DLGAP1: variants seen among roughly 807,000 people sequenced by gnomAD.
DLGAP1 encodes DLG associated protein 1.
DLGAP1 carries 11 observed loss-of-function variants against 90.8 expected under a neutral mutation model. The observed-to-expected ratio is 0.12, with a 90% confidence interval of 0.08 to 0.20. The LOEUF (loss-of-function observed/expected upper bound fraction) is 0.20, where lower values mean the gene tolerates loss of function less well. Ranked by LOEUF, DLGAP1 falls within the 10% of genes least tolerant of loss-of-function variation. The pLI is 1.00. For synonymous variants in DLGAP1, 558 were observed against 540.7 expected, an observed-to-expected ratio of 1.03 and a Z score of -0.44; for missense variants, 1,050 against 1,333.8, an observed-to-expected ratio of 0.79 and a Z score of 3.31.
chr18:4,035,419 G>T (rs997062503), intron 2 of DLGAP1, among the ~76,000 whole-genome samples: 8 of 152,244 alleles, frequency 5.3e-5, no homozygotes, highest in African/African-American at 1.9e-4. Flanking sequence ...TAGGATTAAA[G>T]ATACTGAAAT....
chr18:3,976,359 A>AT (rs1172104243), intron 3 of DLGAP1, among the ~76,000 whole-genome samples: 1 of 150,886 alleles, frequency 6.6e-6, no homozygotes, highest in Non-Finnish European at 1.5e-5. Flanking sequence ...CTCTGTCTCA[A>AT]AAAAAAGTGG....
intron 1 of DLGAP1, among the ~76,000 whole-genome samples, chr18:4,450,144 GTC>G: frequency 6.6e-6 from 1 of 152,302 alleles, no homozygotes; most frequent in Admixed American, 6.5e-5. Flanking sequence ...TGTTTGCAAA[GTC>G]TGAGACAAGA....
intron 2 of DLGAP1, among the ~76,000 whole-genome samples, chr18:4,120,177 T>C (rs2076129620): frequency 6.6e-6 from 1 of 152,214 alleles, no homozygotes; most frequent in South Asian, 2.1e-4. Context: ...CCATCCCTTG[T>C]TTGAAAAACA....
intron 1 of DLGAP1, among the ~76,000 whole-genome samples, chr18:4,453,418 T>C (rs890180212): frequency 1.3e-5 from 2 of 152,222 alleles, no homozygotes; most frequent in African/African-American, 4.8e-5. Context: ...CTTGCCTCCA[T>C]GTCATTTCCG....
chr18:3,873,459 G>C (rs1568268615), intron 4 of DLGAP1, among the ~76,000 whole-genome samples: 1 of 152,106 alleles, frequency 6.6e-6, no homozygotes, highest in Non-Finnish European at 1.5e-5. Context: ...GTGGTGGATG[G>C]GATTTCAGAA....
intron 1 of DLGAP1, among the ~76,000 whole-genome samples, chr18:4,423,204 T>C (rs1220611458): frequency 2.0e-5 from 3 of 152,176 alleles, no homozygotes; most frequent in African/African-American, 7.2e-5. Flanking sequence ...GGTATTTGCT[T>C]CTTCACCTGG....
intron 9 of DLGAP1, among the ~76,000 whole-genome samples, chr18:3,538,937 A>C (rs1568156913): frequency 6.6e-6 from 1 of 152,254 alleles, no homozygotes; most frequent in Non-Finnish European, 1.5e-5. Flanking sequence ...ATTACTTGGC[A>C]GTAGATTAAT....
chr18:3,710,101 G>A (rs2061554474), intron 7 of DLGAP1, among the ~76,000 whole-genome samples: 1 of 152,222 alleles, frequency 6.6e-6, no homozygotes, highest in South Asian at 2.1e-4. Flanking sequence ...AGCACATATA[G>A]CTTGGGACAT....
rs1464591738 is a variant in DLGAP1 at position 4,273,266 on chromosome 18, T to C, written c.-266-121979A>G. Among the ~76,000 whole-genome samples the C allele has an allele frequency of 2.0e-5, 3 of 152,184 alleles. No homozygotes were observed. In the East Asian group the frequency reaches 5.8e-4, roughly 29 times the overall value. Reference sequence around the variant, plus strand: ...CCATGTTGAGAAATAGCCTGATCTCTTAAACCCTCCATGCACCCTGCCTCT... The same window carrying C: ...CCATGTTGAGAAATAGCCTGATCTCCTAAACCCTCCATGCACCCTGCCTCT... On this transcript the variant is annotated intron_variant, in intron 1 of 12. Transcript: ENST00000315677.
At chr18:3,683,059 T>C (rs1035695374) in intron 7 of DLGAP1, among the ~76,000 whole-genome samples, 1 of 152,122 alleles carries the variant, frequency 6.6e-6, no homozygotes, top group South Asian at 2.1e-4. Flanking sequence ...GGTTTCACCA[T>C]GTTGGCCAGG....
chr18:3,956,276 A>C (rs1329444487), intron 3 of DLGAP1, among the ~76,000 whole-genome samples: 1 of 152,238 alleles, frequency 6.6e-6, no homozygotes, highest in African/African-American at 2.4e-5. Flanking sequence ...CTGGAAATCT[A>C]TACCGAAGAA....
At chr18:3,628,214 G>A (rs2058381563) in intron 7 of DLGAP1, among the ~76,000 whole-genome samples, 1 of 145,016 alleles carries the variant, frequency 6.9e-6, no homozygotes, top group Admixed American at 6.9e-5. Flanking sequence ...TTTTGAGACG[G>A]AGTCTCGCTC....
chr18:4,275,831 A>T (rs925691751), intron 1 of DLGAP1, among the ~76,000 whole-genome samples: 1 of 152,168 alleles, frequency 6.6e-6, no homozygotes, highest in Admixed American at 6.5e-5. Context: ...TGAGATACAT[A>T]TTTATTCTGA....
At chr18:4,040,060 T>C (rs986954651) in intron 2 of DLGAP1, among the ~76,000 whole-genome samples, 11 of 152,234 alleles carry the variant, frequency 7.2e-5, no homozygotes, top group Admixed American at 7.2e-4. Flanking sequence ...ACAGTACCTA[T>C]TCTTGTTTTC....
At chr18:3,908,762 A>T (rs2071969104) in intron 3 of DLGAP1, among the ~76,000 whole-genome samples, 1 of 152,200 alleles carries the variant, frequency 6.6e-6, no homozygotes, top group Admixed American at 6.5e-5. Context: ...ATTATAATAC[A>T]TTTTTAGTAA....
chr18:4,349,547 A>G (rs2081365013), intron 1 of DLGAP1, among the ~76,000 whole-genome samples: 1 of 152,110 alleles, frequency 6.6e-6, no homozygotes, highest in Non-Finnish European at 1.5e-5. Flanking sequence ...TAAAAGAATA[A>G]AAGTGAAAAA....
At chr18:3,709,442 G>A (rs995785038) in intron 7 of DLGAP1, among the ~76,000 whole-genome samples, 1 of 152,190 alleles carries the variant, frequency 6.6e-6, no homozygotes, top group Non-Finnish European at 1.5e-5. Flanking sequence ...TGAACTGTTA[G>A]CATGTTTGAC....
intron 3 of DLGAP1, among the ~76,000 whole-genome samples, chr18:3,881,737 C>T (rs2071176036): frequency 6.6e-6 from 1 of 152,096 alleles, no homozygotes; most frequent in Admixed American, 6.5e-5. Context: ...CACGGTGAAA[C>T]CCCGTCTCTT....
intron 1 of DLGAP1, among the ~76,000 whole-genome samples, chr18:4,227,395 T>A (rs1194203655): frequency 1.3e-5 from 2 of 152,064 alleles, no homozygotes; most frequent in Non-Finnish European, 2.9e-5. Flanking sequence ...GGCTGCAGAA[T>A]ACACATTCTT....
Sources: gnomAD v4.1 joint callset for allele counts (sites outside exome capture counted in the v4.1 genomes callset) on GRCh38, gnomAD v4.1.1 for gene constraint, MANE v1.5 for transcripts, NCBI Gene and HGNC (gene_info 2026-07-23, HGNC 2026-07-21) for gene names.